The following STK32B variants were observed in gnomAD, a reference collection of about 807,000 sequenced individuals.
STK32B encodes the protein serine/threonine kinase 32B.
Under a neutral mutation model 52.6 loss-of-function variants are expected in STK32B, and 43 were observed. That is an observed-to-expected ratio of 0.82 (90% confidence interval 0.64 to 1.05). STK32B has a LOEUF of 1.05. Ranked by LOEUF, STK32B falls within the 50% of genes least tolerant of loss-of-function variation. The pLI is 0.00. For missense variants in STK32B, 621 were observed against 534.6 expected, an observed-to-expected ratio of 1.16 and a Z score of -1.59; for synonymous variants, 238 against 204.3, an observed-to-expected ratio of 1.17 and a Z score of -1.41.
intron 1 of STK32B, among the ~76,000 whole-genome samples, chr4:5,105,756 G>T (rs1165516067): frequency 6.6e-6 from 1 of 151,680 alleles, no homozygotes; most frequent in Non-Finnish European, 1.5e-5. Context: ...ATAGAGACAG[G>T]GTTTCACTGT....
chr4:5,335,166 A>G (rs1008388048), intron 4 of STK32B, among the ~76,000 whole-genome samples: 23 of 151,666 alleles, frequency 1.5e-4, no homozygotes, highest in Non-Finnish European at 3.2e-4. Context: ...CCTGTTATTG[A>G]TCTATTCAGA....
At chr4:5,114,495 C>T (rs1020274607) in intron 1 of STK32B, among the ~76,000 whole-genome samples, 1 of 151,934 alleles carries the variant, frequency 6.6e-6, no homozygotes, top group African/African-American at 2.4e-5. Context: ...TCCTGGTGTC[C>T]CCAGAACATA....
chr4:5,427,408 G>C (rs1713199856), intron 6 of STK32B, among the ~76,000 whole-genome samples: 1 of 152,174 alleles, frequency 6.6e-6, no homozygotes, highest in Non-Finnish European at 1.5e-5. Context: ...TGGCAACGTA[G>C]TTGAGAAGTG....
At chr4:5,132,868 G>C (rs1001463338) in intron 1 of STK32B, among the ~76,000 whole-genome samples, 1 of 151,180 alleles carries the variant, frequency 6.6e-6, no homozygotes, top group Admixed American at 6.6e-5. Context: ...GTGTGATCTT[G>C]GCTCACTGCA....
intron 3 of STK32B, among the ~76,000 whole-genome samples, chr4:5,302,230 A>T (rs1729610442): frequency 6.6e-6 from 1 of 151,956 alleles, no homozygotes; most frequent in South Asian, 2.1e-4. Flanking sequence ...ATCACAAAGA[A>T]TTATATATGC....
Position 5,467,773 on chromosome 4 carries a change from T to A in STK32B, c.1042-233T>A, listed in dbSNP as rs1247809808. On this transcript the variant is annotated intron_variant, in intron 10 of 11. Transcript: ENST00000282908. The surrounding 1 kb of genome is among the most constrained non-coding windows in gnomAD (Gnocchi z 5.8). ...CCCATATTCCATTCTAACATGGCTT[T>A]TAAGTTGGATTTCATGGCTTAACGT... Among the ~76,000 whole-genome samples the A allele has an allele frequency of 6.6e-6, 1 of 152,156 alleles. No individual in the cohort carries two copies. The highest frequency in any genetic ancestry group is 1.5e-5 in the Non-Finnish European group (1 of 68,034).
intron 11 of STK32B, among the ~76,000 whole-genome samples, chr4:5,479,416 G>A (rs560171066): frequency 1.2e-4 from 19 of 152,196 alleles, no homozygotes; most frequent in Non-Finnish European, 2.5e-4. Context: ...ACCATGCCCG[G>A]CCTAGTCTAG....
chr4:5,046,756 G>A (rs1173881256), upstream of STK32B, among the ~76,000 whole-genome samples: 1 of 152,114 alleles, frequency 6.6e-6, no homozygotes, highest in Non-Finnish European at 1.5e-5. Context: ...ATCAATGCTC[G>A]TTAGAGAAAT....
chr4:5,485,003 T>C (rs1329242430), intron 11 of STK32B, among the ~76,000 whole-genome samples: 1 of 152,142 alleles, frequency 6.6e-6, no homozygotes, highest in Non-Finnish European at 1.5e-5. Flanking sequence ...CCGACCTTTC[T>C]CTCTGGCTGC....
At chr4:5,167,765 C>G (rs910034861) in intron 2 of STK32B, among the ~76,000 whole-genome samples, 2 of 152,146 alleles carry the variant, frequency 1.3e-5, no homozygotes, top group African/African-American at 2.4e-5. Context: ...GACATTAATT[C>G]CCTGGCTTGG....
intron 1 of STK32B, among the ~76,000 whole-genome samples, chr4:5,065,926 G>A (rs1051709379): frequency 6.6e-6 from 1 of 152,040 alleles, no homozygotes. Context: ...GTTTCACTAT[G>A]TTGGCCAGGC....
At chr4:5,260,193 G>A (rs900200572) in intron 3 of STK32B, among the ~76,000 whole-genome samples, 18 of 152,192 alleles carry the variant, frequency 1.2e-4, no homozygotes, top group African/African-American at 4.1e-4. Flanking sequence ...GGAGAAAGCT[G>A]CCAAATGCTT....
chr4:5,324,349 A>G (rs867044252), intron 3 of STK32B, among the ~76,000 whole-genome samples: 3 of 152,150 alleles, frequency 2.0e-5, no homozygotes, highest in Non-Finnish European at 2.9e-5. Context: ...GGGAGACTCC[A>G]TCTCAAAAAA....
rs530717382 is a variant in STK32B, at chr4:5,495,763, G to A, written c.1107-3182G>A. 5.3e-5 allele frequency among the ~76,000 whole-genome samples: 8 copies of A among 152,236 alleles called. No individual in the cohort carries two copies. The East Asian group carries it at 1.5e-3, about 29-fold the overall frequency. ...GTACAGATGGGTTTTTGGTGTGGAT[G>A]TCCTTTCTGTTTGTTAGTTTTCCTT... On this transcript the variant is annotated intron_variant, in intron 11 of 11. Coordinates refer to ENST00000282908, the MANE Select transcript of STK32B (RefSeq NM_018401.3).
chr4:5,316,882 T>C (rs1304998197), intron 3 of STK32B, among the ~76,000 whole-genome samples: 1 of 4,958 alleles, frequency 2.0e-4, no homozygotes, highest in Non-Finnish European at 2.6e-4. Flanking sequence ...ATATAATATA[T>C]TATATATATT....
At chr4:5,484,364 A>G (rs1413035034) in intron 11 of STK32B, among the ~76,000 whole-genome samples, 1 of 151,756 alleles carries the variant, frequency 6.6e-6, no homozygotes, top group African/African-American at 2.4e-5. Context: ...GTCTCTTTTG[A>G]TCTTTGTTGG....
chr4:5,361,155 A>G (rs969031218), intron 4 of STK32B, among the ~76,000 whole-genome samples: 1 of 152,202 alleles, frequency 6.6e-6, no homozygotes, highest in Non-Finnish European at 1.5e-5. Context: ...GTGTACATCT[A>G]TGCAGCATGT....
intron 6 of STK32B, among the ~76,000 whole-genome samples, chr4:5,444,209 G>A (rs11736375): frequency 0.12 from 18,163 of 152,164 alleles, 1,578 homozygotes; most frequent in East Asian, 0.46. Flanking sequence ...CCTCGCTGCC[G>A]CCTTGCAGTT....
chr4:5,068,414 G>A (rs1711551206), intron 1 of STK32B, among the ~76,000 whole-genome samples: 1 of 152,058 alleles, frequency 6.6e-6, no homozygotes, highest in South Asian at 2.1e-4. Flanking sequence ...TGGAATAATG[G>A]CCCCCAGTTC....
Sources: gnomAD v4.1 joint callset for allele counts (sites outside exome capture counted in the v4.1 genomes callset) on GRCh38, gnomAD v4.1.1 for gene constraint, Gnocchi (gnomAD v3.1) non-coding constraint, MANE v1.5 for transcripts, NCBI Gene and HGNC (gene_info 2026-07-23, HGNC 2026-07-21) for gene names.